The following HDGFL2 variants were observed in gnomAD, a reference collection of about 807,000 sequenced individuals.
The protein encoded by HDGFL2 is hepatoma-derived growth factor-related protein 2.
In HDGFL2, 36 loss-of-function variants were observed where a neutral mutation model predicts 77.1. The observed-to-expected ratio is 0.47, with a 90% CI of 0.36 to 0.62. The LOEUF (loss-of-function observed/expected upper bound fraction) is 0.62. HDGFL2 is among the 20% of genes least tolerant of loss of function. The probability of loss-of-function intolerance (pLI) is 0.00; values close to 1 mark genes in which losing one functional copy is unlikely to be tolerated. For missense variants in HDGFL2, 976 were observed against 973.4 expected (o/e 1.00, Z -0.04); for synonymous variants, 463 against 413.1 (o/e 1.12, Z -1.46).
At chr19:4,488,565 G>A (rs756752176) in intron 3 of HDGFL2, 111 bp from the exon 4 acceptor site, 33 of 961,238 alleles carry the variant, frequency 3.4e-5, no homozygotes, top group Middle Eastern at 6.5e-4. Flanking sequence ...GAGACAACAC[G>A]CCTGACATTC....
At chr19:4,495,158 C>T (rs1256535607) in intron 9 of HDGFL2, among the ~76,000 whole-genome samples, 1 of 152,042 alleles carries the variant, frequency 6.6e-6, no homozygotes, top group Non-Finnish European at 1.5e-5. Flanking sequence ...GAGGCCAAGG[C>T]GGGTGGATCA....
In HDGFL2 at chr19:4,477,009, C is replaced by T. The variant is rs371012202; in HGVS notation, c.288+1426C>T. Reference sequence around the variant, plus strand: ...GGCCATTAAGGAAGAAAAGCACATCCGAGGTGGTCTGAGTGGAGCAAGGCA... The same window carrying T: ...GGCCATTAAGGAAGAAAAGCACATCTGAGGTGGTCTGAGTGGAGCAAGGCA... On this transcript the variant is annotated intron_variant, in intron 3 of 15. Transcript: ENST00000616600. Among the ~76,000 whole-genome samples the T allele has an allele frequency of 1.3e-3, 191 of 152,186 alleles. 6 individuals are homozygous for T. In the South Asian group the frequency reaches 0.037, roughly 30 times the overall value.
At chr19:4,498,433 C>A in intron 12 of HDGFL2, 57 bp downstream of exon 12, 1 of 1,389,962 alleles carries the variant, frequency 7.2e-7, no homozygotes, top group Non-Finnish European at 1.0e-6. Flanking sequence ...CCCTGCCAGG[C>A]TCCCTTAGAT....
At chr19:4,479,568 G>A (rs1262194730) in intron 3 of HDGFL2, among the ~76,000 whole-genome samples, 2 of 135,468 alleles carry the variant, frequency 1.5e-5, no homozygotes, top group Admixed American at 7.9e-5. Context: ...GCGACACAGC[G>A]AGATTCCATC....
chr19:4,496,355 A>G lies in HDGFL2; in HGVS notation c.1278A>G (p.Lys426=). The G allele has an allele frequency of 6.2e-7, 1 of 1,613,852 alleles. No individual in the cohort carries two copies. Among genetic ancestry groups the G allele is most frequent in the Non-Finnish European group, 8.5e-7 (1 of 1,179,868 alleles). Reference sequence around the variant, plus strand: ...CCTCAAGCACAGAGCCCGCCAGGAAACCTGGCCAGAAGGAGAAGAGAGTGC... The same window carrying G: ...CCTCAAGCACAGAGCCCGCCAGGAAGCCTGGCCAGAAGGAGAAGAGAGTGC... ...PQSSSTEPAR[K]PGQKEKRVRP... The change falls in exon 10 of 16, where the codon AAA becomes AAG. Residue 426 remains lysine, a synonymous_variant. Coordinates refer to ENST00000616600, the MANE Select transcript of HDGFL2 (RefSeq NM_001001520.3).
At chr19:4,501,370 C>G in intron 15 of HDGFL2, 53 bp downstream of exon 15, 1 of 1,535,620 alleles carries the variant, frequency 6.5e-7, no homozygotes, top group Non-Finnish European at 8.8e-7. Context: ...CGGTGTGACG[C>G]GCACCCTGGG....
intron 3 of HDGFL2, among the ~76,000 whole-genome samples, chr19:4,485,915 T>G (rs1209106612): frequency 1.6e-5 from 2 of 125,890 alleles, no homozygotes; most frequent in Admixed American, 1.7e-4. Context: ...TAGCCAGGTG[T>G]GGTGGTGCAA....
Position 4,476,981 on chromosome 19 carries a change from C to T in HDGFL2, c.288+1398C>T, listed in dbSNP as rs180855105. Among the ~76,000 whole-genome samples the T allele has an allele frequency of 1.5e-4, 23 of 152,114 alleles. No individual in the cohort carries two copies. The East Asian group carries it at 3.7e-3, about 24-fold the overall frequency. Reference sequence around the variant, plus strand: ...GGAACTGACCACAAGCTAGGGAAAACTTGGCCATTAAGGAAGAAAAGCACA... The same window carrying T: ...GGAACTGACCACAAGCTAGGGAAAATTTGGCCATTAAGGAAGAAAAGCACA... On this transcript the variant is annotated intron_variant, in intron 3 of 15. Transcript: ENST00000616600.
chr19:4,491,432 G>A (rs1975509204), intron 4 of HDGFL2, 134 bp from the exon 5 acceptor site: 1 of 701,078 alleles, frequency 1.4e-6, no homozygotes, highest in Admixed American at 2.6e-5. Flanking sequence ...GTTTGATCAG[G>A]TTCTCAGAGG....
Position 4,491,625 on chromosome 19 carries a change from C to T in HDGFL2, c.549C>T (p.Ser183=), listed in dbSNP as rs748048484. Residue 183 remains serine (S), a synonymous_variant, in exon 5 of 16, where the codon TCC becomes TCT. Coordinates refer to ENST00000616600, the MANE Select transcript of HDGFL2 (RefSeq NM_001001520.3). ...GCGACCTGGATCAGGCCAGCGTGTC[C>T]CCATCCGAAGAGGAGAACTCGGAAA... ...ASSDLDQASV[S]PSEEENSESS... is the part of the protein sequence containing the mutation. 1 of 1,613,968 alleles carries T rather than the reference C, an allele frequency of 6.2e-7. No individual in the cohort carries two copies. The highest frequency in any genetic ancestry group is 8.5e-7 in the Non-Finnish European group (1 of 1,180,026).
chr19:4,486,052 CAAAAAAAA>C (rs548919228), intron 3 of HDGFL2, among the ~76,000 whole-genome samples: 1 of 74,962 alleles, frequency 1.3e-5, no homozygotes, highest in East Asian at 4.7e-4. Context: ...GACCCCGTCT[CAAAAAAAA>C]AAAAAAAAAA....
chr19:4,489,527 C>T (rs928635221), intron 4 of HDGFL2, among the ~76,000 whole-genome samples: 12 of 152,060 alleles, frequency 7.9e-5, no homozygotes, highest in Admixed American at 6.6e-5. Flanking sequence ...CTTCAGCCTC[C>T]GAAGTAGCTG....
intron 4 of HDGFL2, among the ~76,000 whole-genome samples, chr19:4,490,598 A>G (rs567554980): frequency 6.6e-6 from 1 of 152,248 alleles, no homozygotes; most frequent in Admixed American, 6.5e-5. Context: ...ATTTCTCACT[A>G]TTTGGGTGTA....
intron 3 of HDGFL2, among the ~76,000 whole-genome samples, chr19:4,485,397 A>C (rs1568208389): frequency 1.3e-5 from 2 of 151,988 alleles, no homozygotes; most frequent in Admixed American, 6.6e-5. Context: ...ACGTTTGTTT[A>C]TCAGTTAACG....
chr19:4,473,204 G>A (rs1197274757), intron 1 of HDGFL2, among the ~76,000 whole-genome samples: 4 of 148,182 alleles, frequency 2.7e-5, no homozygotes, highest in Non-Finnish European at 6.0e-5. Flanking sequence ...GCTGCGCCGT[G>A]GGGATCTGGG....
chr19:4,493,528 T>G (rs1018342452), intron 6 of HDGFL2, among the ~76,000 whole-genome samples, 175 bp from the exon 7 acceptor site: 17 of 152,056 alleles, frequency 1.1e-4, no homozygotes, highest in Admixed American at 4.6e-4. Flanking sequence ...GGATCCCGGT[T>G]TTCACTTGGG....
rs779604052 is a variant in HDGFL2, at chr19:4,475,470, T to A, written c.175T>A (p.Phe59Ile). ...AGCCTTCCTGGGACCCAAGGACCTGTTCCCCTACGACAAATGTAAAGACAA... is the reference window on the plus strand; with the variant it reads ...AGCCTTCCTGGGACCCAAGGACCTGATCCCCTACGACAAATGTAAAGACAA... Reference protein sequence around the residue: ...ETAFLGPKDLFPYDKCKDKYG... With the variant: ...ETAFLGPKDLIPYDKCKDKYG... Residue 59 changes from phenylalanine to isoleucine, a missense_variant, in exon 3 of 16, where the codon TTC becomes ATC. By Grantham distance (21) the Phe-to-Ile change is conservative (BLOSUM62 0). Coordinates refer to ENST00000616600, the MANE Select transcript of HDGFL2 (RefSeq NM_001001520.3). 6.2e-7 allele frequency: 1 copy of A among 1,612,320 alleles called. No homozygotes were observed. Among genetic ancestry groups the A allele is most frequent in the African/African-American group, 1.3e-5 (1 of 74,700 alleles).
chr19:4,482,389 T>C (rs1356215394), intron 3 of HDGFL2, among the ~76,000 whole-genome samples: 1 of 152,126 alleles, frequency 6.6e-6, no homozygotes, highest in Non-Finnish European at 1.5e-5. Context: ...TTTGTATTTT[T>C]AGTAGAGATG....
Position 4,501,896 on chromosome 19 carries a change from T to G in HDGFL2, c.1917-15T>G, listed in dbSNP as rs927399549. 7.0e-7 allele frequency: 1 copy of G among 1,438,504 alleles called. No individual in the cohort carries two copies. Among genetic ancestry groups the G allele is most frequent in the Non-Finnish European group, 9.1e-7 (1 of 1,100,208 alleles). The allele number at this position is 1,438,504 out of a possible 1,614,324, so 89.1% of individuals were successfully genotyped here. A position where few individuals can be genotyped will look rare whatever the true frequency, so the allele number is the denominator to read the frequency against. ...CGGGAGGGCATCCTCACACCGCCTTTGCTGTTCCCACCAGCAGCGTACGGG... is the reference window on the plus strand; with the variant it reads ...CGGGAGGGCATCCTCACACCGCCTTGGCTGTTCCCACCAGCAGCGTACGGG... On this transcript the variant is annotated splice_polypyrimidine_tract_variant and intron_variant, in intron 15 of 15. Transcript: ENST00000616600.
Sources: allele counts gnomAD v4.1 joint callset (sites outside exome capture counted in the v4.1 genomes callset), GRCh38; gene constraint gnomAD v4.1.1; transcripts MANE v1.5; gene names NCBI Gene and HGNC (gene_info 2026-07-23, HGNC 2026-07-21).